SDK1: variants seen among roughly 807,000 people sequenced by gnomAD.
SDK1 encodes sidekick cell adhesion molecule 1.
Under a neutral mutation model 245.5 loss-of-function variants are expected in SDK1, and 157 were observed. The observed-to-expected ratio is 0.64, with a 90% confidence interval of 0.56 to 0.73. The LOEUF is 0.73. SDK1 is among the 30% of genes least tolerant of loss of function. SDK1 has a pLI of 0.00. For missense variants in SDK1, 3,583 were observed against 3,002.3 expected (o/e 1.19, Z -4.52); for synonymous variants, 1,647 against 1,278.5 (o/e 1.29, Z -6.15).
Position 3,814,917 on chromosome 7 carries a change from A to G in SDK1, c.714-6533A>G, listed in dbSNP as rs996879766. On this transcript the variant is annotated intron_variant, in intron 4 of 44. Coordinates refer to ENST00000404826, the MANE Select transcript of SDK1 (RefSeq NM_152744.4). ...ACTCATGATTTGGCTCTCTGTTTGT[A>G]TGTTGTTGGTGTGTAAGAATGCTTG... Among the ~76,000 whole-genome samples, 37 of 152,202 alleles carry G rather than the reference A, an allele frequency of 2.4e-4. No individual in the cohort carries two copies. In the South Asian group the frequency reaches 6.6e-3, roughly 27 times the overall value.
intron 1 of SDK1, among the ~76,000 whole-genome samples, chr7:3,342,609 G>C (rs566324086): frequency 2.0e-5 from 3 of 151,926 alleles, no homozygotes; most frequent in African/African-American, 7.3e-5. Context: ...AAAAAAAAAG[G>C]AAGTCTTCAG....
intron 34 of SDK1, among the ~76,000 whole-genome samples, chr7:4,177,119 A>G (rs899913575): frequency 1.3e-5 from 2 of 152,214 alleles, no homozygotes; most frequent in African/African-American, 4.8e-5. Context: ...CAGCTCCAAC[A>G]TGTTGAGATA....
At chr7:3,852,972 C>T (rs934399923) in intron 5 of SDK1, among the ~76,000 whole-genome samples, 1 of 151,928 alleles carries the variant, frequency 6.6e-6, no homozygotes, top group Non-Finnish European at 1.5e-5. Context: ...TGTTTTCCTA[C>T]CTGACCGTGT....
At chr7:3,913,854 C>G (rs946159143) in intron 5 of SDK1, among the ~76,000 whole-genome samples, 2 of 152,182 alleles carry the variant, frequency 1.3e-5, no homozygotes, top group African/African-American at 4.8e-5. Context: ...TTTTGCTTCA[C>G]TAACCTTTAA....
chr7:3,721,245 A>T (rs1778784490), intron 4 of SDK1, among the ~76,000 whole-genome samples: 1 of 152,096 alleles, frequency 6.6e-6, no homozygotes, highest in South Asian at 2.1e-4. Flanking sequence ...GTGTATTTAC[A>T]CCCATCCATG....
chr7:3,683,785 C>G (rs12537047), intron 4 of SDK1, among the ~76,000 whole-genome samples: 33,326 of 152,126 alleles, frequency 0.22, 4,420 homozygotes, highest in Non-Finnish European at 0.3. Context: ...CGGCACATGT[C>G]CTAACAAGGA....
rs1780121311 is a variant in SDK1, at chr7:3,762,049, C to T, written c.714-59401C>T. Among the ~76,000 whole-genome samples the T allele has an allele frequency of 2.0e-5, 3 of 152,270 alleles. No individual in the cohort carries two copies. The South Asian group carries it at 6.2e-4, about 32-fold the overall frequency. ...CTGTGTATCTGAGCATATCTTTAAC[C>T]ACAGTTAGCTACAAATTATTTATAG... On this transcript the variant is annotated intron_variant, in intron 4 of 44. Transcript: ENST00000404826.
At chr7:4,091,700 T>A (rs13223052) in intron 22 of SDK1, among the ~76,000 whole-genome samples, 1 of 151,844 alleles carries the variant, frequency 6.6e-6, no homozygotes, top group African/African-American at 2.4e-5. Context: ...AAACACCTTC[T>A]GAGGGTGTTT....
chr7:4,161,306 C>G (rs1046986109), intron 31 of SDK1, among the ~76,000 whole-genome samples: 2 of 152,198 alleles, frequency 1.3e-5, no homozygotes, highest in Admixed American at 1.3e-4. Flanking sequence ...CAGCTGCAAC[C>G]TCACCAGAAA....
chr7:3,550,327 C>T (rs1386752570), intron 1 of SDK1, among the ~76,000 whole-genome samples: 1 of 152,104 alleles, frequency 6.6e-6, no homozygotes, highest in African/African-American at 2.4e-5. Flanking sequence ...TTTGCGTTTT[C>T]TTCCCTTTTC....
chr7:3,467,368 A>C (rs957551746), intron 1 of SDK1, among the ~76,000 whole-genome samples: 1 of 152,084 alleles, frequency 6.6e-6, no homozygotes. Context: ...ATGAACATTA[A>C]AGAATTGTTG....
At chr7:3,780,730 C>T (rs2115011496) in intron 4 of SDK1, among the ~76,000 whole-genome samples, 1 of 152,148 alleles carries the variant, frequency 6.6e-6, no homozygotes, top group Admixed American at 6.5e-5. Context: ...ACCCAACCAC[C>T]CTGTGCAGGC....
intron 1 of SDK1, among the ~76,000 whole-genome samples, chr7:3,594,768 G>GT (rs1780999030): frequency 6.6e-6 from 1 of 152,114 alleles, no homozygotes; most frequent in Admixed American, 6.5e-5. Flanking sequence ...ATTGCTTACT[G>GT]TTTTAGAGAT....
rs569434930 is a variant in SDK1, at chr7:4,150,243, G to A, written c.4625+780G>A. On this transcript the variant is annotated intron_variant, in intron 30 of 44. Coordinates refer to ENST00000404826, the MANE Select transcript of SDK1 (RefSeq NM_152744.4). ...CTGTCTGGTTCGCAGGCCCTGCCTG[G>A]GCAGGGCCACCCGGGACACCCGCCT... is the stretch of plus-strand genomic sequence containing the variant. 3.5e-3 allele frequency among the ~76,000 whole-genome samples: 536 copies of A among 152,250 alleles called. 1 individual carries two copies. Among genetic ancestry groups the A allele is most frequent in the Non-Finnish European group, 6.0e-3 (409 of 67,998 alleles).
chr7:3,701,097 C>T lies in SDK1; in HGVS notation c.713+58992C>T, dbSNP rs564881568. On this transcript the variant is annotated intron_variant, in intron 4 of 44. Transcript: ENST00000404826. ...TTCCAAGGAATCTATTTAAAAAAAA[C>T]TCAGAATAAGTTCAGTAAGATCAAC... 3.9e-5 allele frequency among the ~76,000 whole-genome samples: 6 copies of T among 152,156 alleles called. No homozygotes were observed. The East Asian group carries it at 7.7e-4, about 20-fold the overall frequency.
chr7:3,666,014 C>T (rs927670667), intron 4 of SDK1, among the ~76,000 whole-genome samples: 3 of 152,146 alleles, frequency 2.0e-5, no homozygotes, highest in African/African-American at 7.2e-5. Flanking sequence ...TTCTTCCTGC[C>T]ACCACCTTTG....
At chr7:3,890,874 G>A (rs1464716669) in intron 5 of SDK1, among the ~76,000 whole-genome samples, 2 of 152,172 alleles carry the variant, frequency 1.3e-5, no homozygotes, top group African/African-American at 2.4e-5. Context: ...CCCAGGAGGG[G>A]GAGGTTGCAG....
chr7:3,685,555 C>T, intron 4 of SDK1, among the ~76,000 whole-genome samples: 1 of 152,118 alleles, frequency 6.6e-6, no homozygotes. Context: ...AAATATAATA[C>T]ACAATCAAAC....
chr7:3,985,568 C>T (rs1007612687), intron 13 of SDK1, among the ~76,000 whole-genome samples: 39 of 152,104 alleles, frequency 2.6e-4, no homozygotes, highest in East Asian at 5.8e-4. Flanking sequence ...TGGGGAGGAT[C>T]GCCCAAGGCC....
Sources: gnomAD v4.1 joint callset for allele counts (sites outside exome capture counted in the v4.1 genomes callset) on GRCh38, gnomAD v4.1.1 for gene constraint, MANE v1.5 for transcripts, NCBI Gene and HGNC (gene_info 2026-07-23, HGNC 2026-07-21) for gene names.